SVOP: variants seen among roughly 807,000 people sequenced by gnomAD.
SVOP encodes the protein synaptic vesicle 2-related protein.
A neutral mutation model predicts 69.1 loss-of-function variants in SVOP; 17 were observed. That is an observed-to-expected ratio of 0.25 (90% confidence interval 0.17 to 0.37). The LOEUF (loss-of-function observed/expected upper bound fraction) is 0.37. Among genes scored for constraint, SVOP ranks in the 10% least tolerant of loss-of-function variants. The pLI, the probability that SVOP is intolerant of heterozygous loss-of-function variation, is 1.00. For synonymous variants in SVOP, 238 were observed against 238.6 expected, an observed-to-expected ratio of 1.00 and a Z score of 0.02; for missense variants, 435 against 597.5, an observed-to-expected ratio of 0.73 and a Z score of 2.84.
At chr12:108,947,334 T>C (rs1455184484) in intron 6 of SVOP, among the ~76,000 whole-genome samples, 1 of 152,028 alleles carries the variant, frequency 6.6e-6, no homozygotes, top group Non-Finnish European at 1.5e-5. Context: ...GCTAAGAGAT[T>C]ATCTGTCTGT....
chr12:108,949,533 G>T (rs2039943198), intron 6 of SVOP, among the ~76,000 whole-genome samples: 1 of 151,960 alleles, frequency 6.6e-6, no homozygotes, highest in Admixed American at 6.6e-5. Flanking sequence ...GCCTCCCAAA[G>T]TGCTGGGATT....
Position 108,964,121 on chromosome 12 carries a change from G to A in SVOP, c.454-3074C>T, listed in dbSNP as rs555862855. 3.0e-3 allele frequency among the ~76,000 whole-genome samples: 456 copies of A among 152,220 alleles called. 5 individuals carry two copies. Among genetic ancestry groups the A allele is most frequent in the African/African-American group, 0.01 (425 of 41,534 alleles). ...TGTAATCCCAGCACTTTGAGAGCTC[G>A]AGGCAAAAGGATCACTTGAGGCTGG... is the stretch of plus-strand genomic sequence containing the variant. On this transcript the variant is annotated intron_variant, in intron 5 of 15. Transcript: ENST00000610966.
chr12:108,931,792 C>CCACT (rs2039821094), intron 11 of SVOP, among the ~76,000 whole-genome samples: 1 of 151,566 alleles, frequency 6.6e-6, no homozygotes. Context: ...CGAGATTGCG[C>CCACT]CACTGCACTC....
intron 1 of SVOP, among the ~76,000 whole-genome samples, chr12:109,009,478 A>G (rs888275404): frequency 6.6e-6 from 1 of 151,664 alleles, no homozygotes; most frequent in Admixed American, 6.6e-5. Flanking sequence ...AGATCTGAAG[A>G]TGCTGTAGAA....
At chr12:108,946,276 T>A (rs1216589133) in intron 6 of SVOP, among the ~76,000 whole-genome samples, 1 of 151,668 alleles carries the variant, frequency 6.6e-6, no homozygotes, top group Non-Finnish European at 1.5e-5. Flanking sequence ...TTTTTTTTTT[T>A]AATTGTGGAG....
chr12:108,934,416 C>A (rs2039843840), intron 10 of SVOP, 145 bp from the exon 11 acceptor site: 6 of 626,852 alleles, frequency 9.6e-6, no homozygotes, highest in Non-Finnish European at 1.7e-5. Context: ...TACTGGGGAC[C>A]TTGAGCAAGA....
intron 1 of SVOP, among the ~76,000 whole-genome samples, chr12:108,992,411 T>A (rs147307290): frequency 6.6e-6 from 1 of 152,028 alleles, no homozygotes; most frequent in Non-Finnish European, 1.5e-5. Flanking sequence ...TGCAGTGGTG[T>A]GTGCCTGTAG....
At chr12:108,940,709 T>A (rs1346765544) in intron 8 of SVOP, 75 bp downstream of exon 8, 17 of 1,508,618 alleles carry the variant, frequency 1.1e-5, no homozygotes, top group Non-Finnish European at 1.4e-5. Context: ...TCCTTCCCTA[T>A]CCCCTCCCCA....
chr12:108,989,183 C>A (rs1263714822), intron 1 of SVOP, among the ~76,000 whole-genome samples: 2 of 152,160 alleles, frequency 1.3e-5, no homozygotes, highest in African/African-American at 4.8e-5. Flanking sequence ...GATCCTCCTG[C>A]CTCAGCCTCC....
chr12:108,975,728 G>C (rs1219138656), intron 4 of SVOP, among the ~76,000 whole-genome samples: 1 of 152,154 alleles, frequency 6.6e-6, no homozygotes, highest in Non-Finnish European at 1.5e-5. Flanking sequence ...TTGAGATGGA[G>C]TGTCACTCTG....
chr12:108,993,378 C>CAAAAAA (rs371842542), intron 1 of SVOP, among the ~76,000 whole-genome samples: 2 of 139,924 alleles, frequency 1.4e-5, no homozygotes, highest in South Asian at 2.2e-4. Flanking sequence ...ATTTTGCCTT[C>CAAAAAA]AAAAAAAAAA....
At chr12:108,916,397 C>T (rs1039675333) in intron 14 of SVOP, among the ~76,000 whole-genome samples, 11 of 152,168 alleles carry the variant, frequency 7.2e-5, no homozygotes, top group East Asian at 1.9e-4. Context: ...CTGCTGGCTG[C>T]GAGAAGGACT....
chr12:108,940,727 A>G (rs974755106), intron 8 of SVOP, 57 bp downstream of exon 8: 1 of 1,520,986 alleles, frequency 6.6e-7, no homozygotes, highest in Admixed American at 2.0e-5. Flanking sequence ...CCACCAAAAT[A>G]GAGTGGACAG....
intron 2 of SVOP, among the ~76,000 whole-genome samples, chr12:108,981,503 G>A (rs1432870467): frequency 6.6e-6 from 1 of 152,186 alleles, no homozygotes; most frequent in African/African-American, 2.4e-5. Context: ...GAGGAAAGCT[G>A]GAGACCAGGT....
chr12:108,983,164 C>G (rs1345643638), intron 2 of SVOP, among the ~76,000 whole-genome samples: 1 of 151,840 alleles, frequency 6.6e-6, no homozygotes, highest in African/African-American at 2.4e-5. Flanking sequence ...TTGTCATCAC[C>G]ATCATCACCA....
At chr12:109,008,364 T>C (rs751410161) in intron 1 of SVOP, among the ~76,000 whole-genome samples, 2 of 152,230 alleles carry the variant, frequency 1.3e-5, no homozygotes, top group Admixed American at 6.5e-5. Flanking sequence ...GATGCCTGCC[T>C]GCTCTGAACT....
intron 1 of SVOP, among the ~76,000 whole-genome samples, chr12:109,013,920 A>G (rs2040355253): frequency 6.6e-6 from 1 of 151,882 alleles, no homozygotes; most frequent in South Asian, 2.1e-4. Context: ...GGCACCTCAT[A>G]TAAGTGGGAT....
At chr12:108,992,765 A>C (rs2040209453) in intron 1 of SVOP, among the ~76,000 whole-genome samples, 1 of 152,142 alleles carries the variant, frequency 6.6e-6, no homozygotes, top group African/African-American at 2.4e-5. Context: ...GTCACAGCTT[A>C]ATGGGTGTGG....
rs1389660425 is a variant in SVOP, at chr12:108,982,743, CCAT to C, written c.196+855_196+857del. The stretch of plus-strand genomic sequence containing the variant: ...ATCATCATCATCACTATCATCATCA[CCAT>C]CATCATCATCACTATCATCAACATC... On this transcript the variant is annotated intron_variant, in intron 2 of 15. Transcript: ENST00000610966. Among the ~76,000 whole-genome samples the C allele has an allele frequency of 2.7e-4, 39 of 145,904 alleles. No individual in the cohort carries two copies. In the East Asian group the frequency reaches 5.2e-3, roughly 19 times the overall value.
Sources: gnomAD v4.1 joint callset for allele counts (sites outside exome capture counted in the v4.1 genomes callset) on GRCh38, gnomAD v4.1.1 for gene constraint, MANE v1.5 for transcripts, NCBI Gene and HGNC (gene_info 2026-07-23, HGNC 2026-07-21) for gene names.